Variants in SAMD5 observed in about 807,000 individuals in gnomAD.
SAMD5 encodes sterile alpha motif domain-containing protein 5.
SAMD5 carries 13 observed loss-of-function variants against 11.3 expected under a neutral mutation model. The ratio of observed to expected loss-of-function variants is 1.15; its 90% confidence interval spans 0.75 to 1.83. The LOEUF (loss-of-function observed/expected upper bound fraction) is 1.83, where lower values mean the gene tolerates loss of function less well. SAMD5 is among the 40% of genes most tolerant of loss of function. SAMD5 has a pLI of 0.00. For synonymous variants in SAMD5, 129 were observed against 111.3 expected, an observed-to-expected ratio of 1.16 and a Z score of -1.00; for missense variants, 255 against 239.1, an observed-to-expected ratio of 1.07 and a Z score of -0.44.
the SAMD5 span, among the ~76,000 whole-genome samples, chr6:147,954,502 T>G: frequency 6.6e-6 from 1 of 152,174 alleles, no homozygotes; most frequent in Non-Finnish European, 1.5e-5. Flanking sequence ...TGTAAGGTGT[T>G]TTTAAAACCT....
chr6:147,638,281 G>A (rs1249602811), intron 1 of SAMD5, among the ~76,000 whole-genome samples: 1 of 152,136 alleles, frequency 6.6e-6, no homozygotes, highest in Non-Finnish European at 1.5e-5. Flanking sequence ...TTATCAGTTA[G>A]GAGCATTAGC....
At chr6:147,634,238 T>A (rs990120537) in intron 1 of SAMD5, among the ~76,000 whole-genome samples, 1 of 152,050 alleles carries the variant, frequency 6.6e-6, no homozygotes, top group African/African-American at 2.4e-5. Flanking sequence ...GTACAGGAAG[T>A]ATAGCTGGGG....
At chr6:147,777,056 T>G in the SAMD5 span, among the ~76,000 whole-genome samples, 1 of 152,178 alleles carries the variant, frequency 6.6e-6, no homozygotes, top group Admixed American at 6.5e-5. Flanking sequence ...CCCTATTTTC[T>G]TTTAAAATAG....
At chr6:147,834,337 A>T in the SAMD5 span, among the ~76,000 whole-genome samples, 6 of 152,194 alleles carry the variant, frequency 3.9e-5, 1 homozygote, top group Admixed American at 3.3e-4. Context: ...CTGATCTGTC[A>T]TTAGGTAGTT....
intron 1 of SAMD5, among the ~76,000 whole-genome samples, chr6:147,544,750 T>G (rs999405367): frequency 6.6e-6 from 1 of 152,212 alleles, no homozygotes; most frequent in Non-Finnish European, 1.5e-5. Flanking sequence ...CATATCATTA[T>G]TTGCTGTAGA....
At chr6:147,881,645 G>T in the SAMD5 span, among the ~76,000 whole-genome samples, 4 of 152,140 alleles carry the variant, frequency 2.6e-5, no homozygotes, top group Non-Finnish European at 4.4e-5. Flanking sequence ...CACAATAGCT[G>T]CTGGCTGTGT....
chr6:147,835,247 C>CA, the SAMD5 span, among the ~76,000 whole-genome samples: 8 of 137,980 alleles, frequency 5.8e-5, no homozygotes, highest in South Asian at 2.3e-4. Context: ...AAAAAAAAAA[C>CA]AAAAAAAACA....
At chr6:147,628,899 A>G (rs1343050689) in intron 1 of SAMD5, among the ~76,000 whole-genome samples, 1 of 152,204 alleles carries the variant, frequency 6.6e-6, no homozygotes, top group Non-Finnish European at 1.5e-5. Context: ...ATGACAATCT[A>G]GAATGCATTC....
the SAMD5 span, among the ~76,000 whole-genome samples, chr6:147,821,561 C>G: frequency 6.6e-6 from 1 of 152,200 alleles, no homozygotes; most frequent in African/African-American, 2.4e-5. Context: ...CGCTGACATG[C>G]TGCGGGGTTC....
chr6:147,873,972 TTTATA>T, the SAMD5 span, among the ~76,000 whole-genome samples: 2 of 152,200 alleles, frequency 1.3e-5, no homozygotes, highest in African/African-American at 4.8e-5. Flanking sequence ...AGTGGATTGT[TTTATA>T]TTATATGTCT....
At chr6:147,928,876 G>C in the SAMD5 span, among the ~76,000 whole-genome samples, 1 of 151,890 alleles carries the variant, frequency 6.6e-6, no homozygotes, top group Non-Finnish European at 1.5e-5. Context: ...TGTTCTCATT[G>C]GTTTCAAATA....
chr6:147,511,219 GTGACACA>G (rs1420918939), intron 1 of SAMD5, among the ~76,000 whole-genome samples: 1 of 152,256 alleles, frequency 6.6e-6, no homozygotes, highest in Non-Finnish European at 1.5e-5. Flanking sequence ...TAAGCTTGAA[GTGACACA>G]TTTTAGTTCT....
intron 1 of SAMD5, among the ~76,000 whole-genome samples, chr6:147,608,247 A>C (rs2128448869): frequency 6.6e-6 from 1 of 152,286 alleles, no homozygotes; most frequent in African/African-American, 2.4e-5. Context: ...CAAAATACTA[A>C]AAATTGAGCT....
intron 1 of SAMD5, among the ~76,000 whole-genome samples, chr6:147,544,097 T>C (rs1165428638): frequency 6.6e-6 from 1 of 152,326 alleles, no homozygotes; most frequent in African/African-American, 2.4e-5. Flanking sequence ...TGCAGGGCTG[T>C]AACCCCCATT....
intron 1 of SAMD5, among the ~76,000 whole-genome samples, chr6:147,733,008 CT>C (rs1791739632): frequency 6.6e-6 from 1 of 152,216 alleles, no homozygotes; most frequent in Admixed American, 6.5e-5. Context: ...CTACTGGAAG[CT>C]TTTGTGTATT....
intron 1 of SAMD5, among the ~76,000 whole-genome samples, chr6:147,715,295 G>A (rs1336415517): frequency 6.6e-6 from 1 of 152,216 alleles, no homozygotes; most frequent in African/African-American, 2.4e-5. Flanking sequence ...GTGAGCATGG[G>A]CTCCAAACAC....
intron 1 of SAMD5, among the ~76,000 whole-genome samples, chr6:147,730,522 G>A (rs1186567037): frequency 1.3e-5 from 2 of 152,194 alleles, no homozygotes; most frequent in Non-Finnish European, 2.9e-5. Flanking sequence ...TTCCAGAGGA[G>A]CAGGTTTGGG....
chr6:147,607,538 G>C (rs920009345), intron 1 of SAMD5, among the ~76,000 whole-genome samples: 8 of 152,002 alleles, frequency 5.3e-5, no homozygotes, highest in African/African-American at 1.9e-4. Context: ...CACCTACAGT[G>C]AACCCATTTT....
chr6:147,595,084 A>G (rs780531355), intron 1 of SAMD5, among the ~76,000 whole-genome samples: 1 of 152,226 alleles, frequency 6.6e-6, no homozygotes, highest in East Asian at 1.9e-4. Context: ...TTCATATACT[A>G]TCTTAGTACT....
Sources: gnomAD v4.1 joint callset for allele counts (sites outside exome capture counted in the v4.1 genomes callset) on GRCh38, gnomAD v4.1.1 for gene constraint, MANE v1.5 for transcripts, NCBI Gene and HGNC (gene_info 2026-07-23, HGNC 2026-07-21) for gene names.